The following NAA20 variants were observed in gnomAD, a reference collection of about 807,000 sequenced individuals.
NAA20 encodes the protein N-alpha-acetyltransferase 20, NatB catalytic subunit.
A neutral mutation model predicts 23.8 loss-of-function variants in NAA20; 24 were observed. The ratio of observed to expected loss-of-function variants is 1.01; its 90% CI spans 0.73 to 1.42. The LOEUF (loss-of-function observed/expected upper bound fraction) is 1.42. NAA20 is among the 40% of genes most tolerant of loss of function. NAA20 has a pLI of 0.00. For missense variants in NAA20, 166 were observed against 223.1 expected (o/e 0.74, Z 1.63); for synonymous variants, 83 against 77.7 (o/e 1.07, Z -0.36).
At chr20:20,025,788 AT>A in intron 3 of NAA20, 21 bp downstream of exon 3, 1 of 1,462,758 alleles carries the variant, frequency 6.8e-7, no homozygotes, top group Non-Finnish European at 9.6e-7. Context: ...TACCACTAGT[AT>A]TTTGTGGAGT....
At chr20:20,032,099 A>C (rs2043347652) in intron 4 of NAA20, among the ~76,000 whole-genome samples, 2 of 152,042 alleles carry the variant, frequency 1.3e-5, no homozygotes, top group Non-Finnish European at 2.9e-5. Context: ...TGACTTGTGC[A>C]CAAGCCCAGC....
intron 2 of NAA20, chr20:20,022,732 C>T (rs1437336267): frequency 5.0e-6 from 2 of 397,710 alleles, no homozygotes; most frequent in African/African-American, 2.1e-5. Context: ...CAACCTTGCC[C>T]CTCAGGAGTC....
intron 2 of NAA20, among the ~76,000 whole-genome samples, chr20:20,023,954 C>G (rs2146462912): frequency 6.6e-6 from 1 of 152,298 alleles, no homozygotes; most frequent in Non-Finnish European, 1.5e-5. Context: ...GGCAGTTTGT[C>G]AGTGGTTGAC....
intron 4 of NAA20, 136 bp from the exon 5 acceptor site, chr20:20,032,372 G>T (rs1204513132): frequency 1.5e-6 from 1 of 675,864 alleles, no homozygotes; most frequent in South Asian, 2.8e-5. Flanking sequence ...CATGTAATCA[G>T]CTACAAGGTC....
At position 20,017,627 on chromosome 20, in the gene NAA20, G is replaced by C. The variant is rs532442608; in HGVS notation, c.53+178G>C. On this transcript the variant is annotated intron_variant, in intron 1 of 5. Coordinates refer to ENST00000334982, the MANE Select transcript of NAA20 (RefSeq NM_016100.5). The stretch of plus-strand genomic sequence containing the variant: ...CCTGGGGCCACAGGGTCCAGGGAGA[G>C]GTGGGCCTGGAGTCGACGCACGCCG... The C allele has an allele frequency of 1.7e-5, 22 of 1,303,740 alleles. No homozygotes were observed. In the South Asian group the frequency reaches 3.2e-4, roughly 19 times the overall value. 80.8% of individuals were successfully genotyped at this position (1,303,740 alleles called of 1,614,324 possible). A position where few individuals can be genotyped will look rare whatever the true frequency, so the allele number is the denominator to read the frequency against.
At chr20:20,017,578 C>G (rs909462329) in intron 1 of NAA20, 129 bp downstream of exon 1, 1 of 1,353,280 alleles carries the variant, frequency 7.4e-7, no homozygotes. Context: ...AGAACCACCC[C>G]CCGCCGGCCA....
chr20:20,027,118 T>C, intron 4 of NAA20, among the ~76,000 whole-genome samples, 199 bp downstream of exon 4: 1 of 152,216 alleles, frequency 6.6e-6, no homozygotes, highest in East Asian at 1.9e-4. Context: ...AGGCAAAGTG[T>C]TGTAGTGACC....
chr20:20,021,340 C>T (rs2043267056), intron 1 of NAA20, among the ~76,000 whole-genome samples: 1 of 152,148 alleles, frequency 6.6e-6, no homozygotes, highest in Admixed American at 6.6e-5. Flanking sequence ...GTCATTCCCT[C>T]ACAAGTAGAC....
intron 4 of NAA20, among the ~76,000 whole-genome samples, chr20:20,027,787 A>G (rs926096544): frequency 2.7e-5 from 4 of 149,744 alleles, no homozygotes; most frequent in African/African-American, 9.9e-5. Flanking sequence ...TGTTGTATAT[A>G]TCAAACCTCT....
intron 1 of NAA20, among the ~76,000 whole-genome samples, chr20:20,020,103 G>A (rs966328464): frequency 2.6e-5 from 4 of 152,186 alleles, no homozygotes; most frequent in Non-Finnish European, 5.9e-5. Flanking sequence ...AAACAAAAAG[G>A]TGTCTTTATA....
At chr20:20,022,613 T>G (rs2043277819) in intron 2 of NAA20, 133 bp downstream of exon 2, 2 of 677,804 alleles carry the variant, frequency 3.0e-6, no homozygotes, top group South Asian at 4.7e-5. Context: ...TAAGCAACAC[T>G]GAAAGCAATT....
chr20:20,029,616 CAAAA>C (rs59199004), intron 4 of NAA20, among the ~76,000 whole-genome samples: 4 of 125,406 alleles, frequency 3.2e-5, no homozygotes, highest in African/African-American at 2.9e-5. Context: ...GACTCCATCT[CAAAA>C]AAAAAAAAAA....
At position 20,028,716 on chromosome 20, in the gene NAA20, T is replaced by G. The variant is rs962064795; in HGVS notation, c.305+1797T>G. The stretch of plus-strand genomic sequence containing the variant: ...CATATACATATGCTTATATACACTA[T>G]ATACATGTATACATAGTGCATACAA... On this transcript the variant is annotated intron_variant, in intron 4 of 5. Transcript: ENST00000334982. Among the ~76,000 whole-genome samples, 5 of 152,202 alleles carry G rather than the reference T, an allele frequency of 3.3e-5. No individual in the cohort carries two copies. The South Asian group carries it at 1.0e-3, about 32-fold the overall frequency.
chr20:20,033,218 T>G lies in NAA20; in HGVS notation c.*31T>G. The G allele has an allele frequency of 5.4e-6, 8 of 1,494,032 alleles. No individual in the cohort carries two copies. The highest frequency in any genetic ancestry group is 7.5e-6 in the Non-Finnish European group (8 of 1,073,670). 92.5% of individuals were successfully genotyped at this position (1,494,032 alleles called of 1,614,324 possible). A position where few individuals can be genotyped will look rare whatever the true frequency, so the allele number is the denominator to read the frequency against. On this transcript the variant is annotated 3_prime_UTR_variant, in exon 6 of 6. Coordinates refer to ENST00000334982, the MANE Select transcript of NAA20 (RefSeq NM_016100.5). ...GGCAGTGGTTCTTAGGCAGATACTC[T>G]AGATGCTTTATGGACAATATTATTT... is the stretch of plus-strand genomic sequence containing the variant.
rs532629242 is a variant in NAA20, at chr20:20,027,877, T to C, written c.305+958T>C. The stretch of plus-strand genomic sequence containing the variant: ...ATCTTCATTCTAGAAGAGAGATGTT[T>C]GTAGTAGCTTCACCTGTTGTCAAGC... On this transcript the variant is annotated intron_variant, in intron 4 of 5. Transcript: ENST00000334982. 9.9e-5 allele frequency among the ~76,000 whole-genome samples: 15 copies of C among 152,250 alleles called. 1 individual carries two copies. In the East Asian group the frequency reaches 2.9e-3, roughly 29 times the overall value.
intron 2 of NAA20, among the ~76,000 whole-genome samples, chr20:20,022,964 G>A (rs1466630310): frequency 6.6e-6 from 1 of 152,120 alleles, no homozygotes; most frequent in Non-Finnish European, 1.5e-5. Context: ...CCATGTTTCC[G>A]GCAGCAGAAA....
chr20:20,021,712 G>A (rs116645795), intron 1 of NAA20, among the ~76,000 whole-genome samples: 229 of 152,296 alleles, frequency 1.5e-3, no homozygotes, highest in African/African-American at 5.4e-3. Flanking sequence ...ATTGTTATGG[G>A]TCTCAAAGGA....
intron 4 of NAA20, among the ~76,000 whole-genome samples, chr20:20,031,569 C>T (rs746177845): frequency 1.1e-4 from 17 of 152,130 alleles, no homozygotes; most frequent in Non-Finnish European, 1.9e-4. Context: ...TTCATATATT[C>T]AGCTTCACTG....
intron 3 of NAA20, 24 bp from the exon 4 acceptor site, chr20:20,026,760 T>C (rs369217065): frequency 4.3e-6 from 7 of 1,611,752 alleles, no homozygotes; most frequent in Non-Finnish European, 5.9e-6. Context: ...AGTTACTGAA[T>C]GTGATTTTTG....
Sources: gnomAD v4.1 joint callset for allele counts (sites outside exome capture counted in the v4.1 genomes callset) on GRCh38, gnomAD v4.1.1 for gene constraint, MANE v1.5 for transcripts, NCBI Gene and HGNC (gene_info 2026-07-23, HGNC 2026-07-21) for gene names.